Variants in GALNT18 observed in about 807,000 individuals in gnomAD.
GALNT18 encodes the protein polypeptide N-acetylgalactosaminyltransferase 18.
A neutral mutation model predicts 69.5 loss-of-function variants in GALNT18; 44 were observed. The observed-to-expected ratio is 0.63, with a 90% CI of 0.50 to 0.81. The LOEUF is 0.81. GALNT18 is among the 40% of genes least tolerant of loss of function. The pLI is 0.00. For missense variants in GALNT18, 715 were observed against 810.0 expected (o/e 0.88, Z 1.42); for synonymous variants, 364 against 318.2 (o/e 1.14, Z -1.53).
Position 11,500,384 on chromosome 11 carries a change from C to T in GALNT18, c.236-51448G>A, listed in dbSNP as rs1856950074. Among the ~76,000 whole-genome samples, 1 of 152,218 alleles carries T rather than the reference C, an allele frequency of 6.6e-6. No individual in the cohort carries two copies. Among genetic ancestry groups the T allele is most frequent in the Non-Finnish European group, 1.5e-5 (1 of 68,038 alleles). On this transcript the variant is annotated intron_variant, in intron 1 of 10. Coordinates refer to ENST00000227756, the MANE Select transcript of GALNT18 (RefSeq NM_198516.3). This position sits in a 1 kb window ranked among gnomAD's most constrained non-coding sequence, Gnocchi z 5.0. ...ACATGTCTGAACCTTTCTGAGGCTTCATTTCCTCACATGGAAAGTGGTGAT... is the reference window on the plus strand; with the variant it reads ...ACATGTCTGAACCTTTCTGAGGCTTTATTTCCTCACATGGAAAGTGGTGAT...
intron 6 of GALNT18, among the ~76,000 whole-genome samples, chr11:11,349,340 T>C (rs1454276446): frequency 1.3e-5 from 2 of 152,212 alleles, no homozygotes; most frequent in African/African-American, 2.4e-5. Flanking sequence ...ATAGGTTATA[T>C]ACACATGTTC....
intron 1 of GALNT18, among the ~76,000 whole-genome samples, chr11:11,569,138 C>T (rs1330798240): frequency 6.6e-6 from 1 of 151,096 alleles, no homozygotes; most frequent in African/African-American, 2.4e-5. Context: ...TAGTGAATGA[C>T]TGACAAGCAA....
intron 3 of GALNT18, among the ~76,000 whole-genome samples, chr11:11,424,585 G>A (rs1236716430): frequency 6.6e-6 from 1 of 152,176 alleles, no homozygotes; most frequent in Non-Finnish European, 1.5e-5. Context: ...TGTTGTTGGG[G>A]TCTGGAGATG....
In GALNT18 at chr11:11,480,771, A is replaced by G. The variant is rs1184995589; in HGVS notation, c.236-31835T>C. Among the ~76,000 whole-genome samples the G allele has an allele frequency of 6.6e-6, 1 of 152,184 alleles. No individual in the cohort carries two copies. ...CTCACAGCGTGCTCTACAGAACCCTAGTTCCGTGCAGAGTTATTAAGTGCT... is the reference window on the plus strand; with the variant it reads ...CTCACAGCGTGCTCTACAGAACCCTGGTTCCGTGCAGAGTTATTAAGTGCT... On this transcript the variant is annotated intron_variant, in intron 1 of 10. Coordinates refer to ENST00000227756, the MANE Select transcript of GALNT18 (RefSeq NM_198516.3). This position sits in a 1 kb window ranked among gnomAD's most constrained non-coding sequence, Gnocchi z 4.6.
chr11:11,589,584 G>T (rs1453802644), intron 1 of GALNT18, among the ~76,000 whole-genome samples: 1 of 131,350 alleles, frequency 7.6e-6, no homozygotes, highest in African/African-American at 3.1e-5. Context: ...GCAGTTTTAG[G>T]GGTTTTTTTT....
At chr11:11,514,781 G>GC (rs781566759) in intron 1 of GALNT18, among the ~76,000 whole-genome samples, 7 of 152,198 alleles carry the variant, frequency 4.6e-5, no homozygotes, top group Non-Finnish European at 1.0e-4. Context: ...GGCAGCAGAG[G>GC]CAGGAGCAAC....
At chr11:11,282,131 T>TCCTCCTGTCCC (rs1437303300) in intron 10 of GALNT18, among the ~76,000 whole-genome samples, 2 of 152,138 alleles carry the variant, frequency 1.3e-5, no homozygotes, top group East Asian at 1.9e-4. Context: ...AGCACTGTCT[T>TCCTCCTGTCCC]CCTCCTGTCC....
At chr11:11,589,031 C>A (rs963515776) in intron 1 of GALNT18, among the ~76,000 whole-genome samples, 1 of 152,158 alleles carries the variant, frequency 6.6e-6, no homozygotes, top group African/African-American at 2.4e-5. Flanking sequence ...TACAAGGAAT[C>A]CCTATGCATA....
At chr11:11,345,934 A>T (rs1373026721) in intron 6 of GALNT18, among the ~76,000 whole-genome samples, 1 of 152,188 alleles carries the variant, frequency 6.6e-6, no homozygotes, top group Non-Finnish European at 1.5e-5. Context: ...TTGACGGCAC[A>T]TCAGCACAAG....
At chr11:11,282,566 T>A (rs1849103529) in intron 10 of GALNT18, among the ~76,000 whole-genome samples, 1 of 152,130 alleles carries the variant, frequency 6.6e-6, no homozygotes, top group African/African-American at 2.4e-5. Context: ...TCTGCCCCCT[T>A]TATGTTCCTC....
At chr11:11,612,193 T>A (rs910247774) in intron 1 of GALNT18, among the ~76,000 whole-genome samples, 1 of 152,186 alleles carries the variant, frequency 6.6e-6, no homozygotes, top group African/African-American at 2.4e-5. Flanking sequence ...AAAAAGGTAA[T>A]CTTACCATGT....
In GALNT18 at chr11:11,604,693, A is replaced by G. The variant is rs188242485; in HGVS notation, c.235+16666T>C. Among the ~76,000 whole-genome samples, 11 of 152,312 alleles carry G rather than the reference A, an allele frequency of 7.2e-5. No individual in the cohort carries two copies. The East Asian group carries it at 1.5e-3, about 21-fold the overall frequency. On this transcript the variant is annotated intron_variant, in intron 1 of 10. Coordinates refer to ENST00000227756, the MANE Select transcript of GALNT18 (RefSeq NM_198516.3). The surrounding 1 kb of genome is among the most constrained non-coding windows in gnomAD (Gnocchi z 5.6). ...TGTTTTCTCAAACTGGCAAAACCCA[A>G]AAGGCAAAGAGAAAGGGATAAGGAA...
intron 3 of GALNT18, among the ~76,000 whole-genome samples, chr11:11,386,649 G>A (rs879895076): frequency 1.2e-4 from 19 of 152,132 alleles, no homozygotes; most frequent in African/African-American, 3.4e-4. Flanking sequence ...TATACTATCC[G>A]TTATTCTAAG....
intron 1 of GALNT18, among the ~76,000 whole-genome samples, chr11:11,597,575 G>T (rs1273208036): frequency 2.0e-5 from 3 of 151,210 alleles, no homozygotes; most frequent in African/African-American, 7.3e-5. Flanking sequence ...AATTTTTTTG[G>T]TATATCATTT....
At position 11,613,064 on chromosome 11, in the gene GALNT18, A is replaced by G. The variant is rs1859952174; in HGVS notation, c.235+8295T>C. ...TCTCCCAAAAATAAACCTTCCAAAAACTGAAATTGAATGTCAGGCAGTGAA... is the reference window on the plus strand; with the variant it reads ...TCTCCCAAAAATAAACCTTCCAAAAGCTGAAATTGAATGTCAGGCAGTGAA... On this transcript the variant is annotated intron_variant, in intron 1 of 10. Transcript: ENST00000227756. The surrounding 1 kb of genome is among the most constrained non-coding windows in gnomAD (Gnocchi z 4.2). Among the ~76,000 whole-genome samples, 1 of 152,144 alleles carries G rather than the reference A, an allele frequency of 6.6e-6. No homozygotes were observed. Among genetic ancestry groups the G allele is most frequent in the African/African-American group, 2.4e-5 (1 of 41,422 alleles).
At chr11:11,457,567 A>C (rs1855950606) in intron 1 of GALNT18, among the ~76,000 whole-genome samples, 1 of 152,188 alleles carries the variant, frequency 6.6e-6, no homozygotes, top group Non-Finnish European at 1.5e-5. Flanking sequence ...GGCCGCAGGA[A>C]TGGTCAAGTC....
At chr11:11,611,870 C>A (rs1043444218) in intron 1 of GALNT18, among the ~76,000 whole-genome samples, 1 of 152,164 alleles carries the variant, frequency 6.6e-6, no homozygotes, top group Non-Finnish European at 1.5e-5. Flanking sequence ...GGTGGCTGCT[C>A]CCTCACCCTT....
chr11:11,446,015 C>G (rs766828784), intron 2 of GALNT18, among the ~76,000 whole-genome samples: 2 of 152,146 alleles, frequency 1.3e-5, no homozygotes, highest in East Asian at 1.9e-4. Flanking sequence ...CTCCCACATG[C>G]GCTCTCATTG....
intron 10 of GALNT18, among the ~76,000 whole-genome samples, chr11:11,281,342 T>C (rs1018941936): frequency 1.3e-5 from 2 of 152,204 alleles, no homozygotes; most frequent in Non-Finnish European, 2.9e-5. Flanking sequence ...CCTGGAAGGA[T>C]GAGCCAGAGG....
Sources: gnomAD v4.1 joint callset for allele counts (sites outside exome capture counted in the v4.1 genomes callset) on GRCh38, gnomAD v4.1.1 for gene constraint, Gnocchi (gnomAD v3.1) non-coding constraint, MANE v1.5 for transcripts, NCBI Gene and HGNC (gene_info 2026-07-23, HGNC 2026-07-21) for gene names.